The following ZMYM4 variants were observed in gnomAD, a reference collection of about 807,000 sequenced individuals.
The protein encoded by ZMYM4 is zinc finger MYM-type protein 4.
In ZMYM4, 31 loss-of-function variants were observed where a neutral mutation model predicts 183.2. The observed-to-expected ratio is 0.17, with a 90% CI of 0.13 to 0.23. ZMYM4 has a LOEUF of 0.23. Among genes scored for constraint, ZMYM4 ranks in the 10% least tolerant of loss-of-function variants. The pLI is 1.00. For missense variants in ZMYM4, 1,273 were observed against 1,840.3 expected (o/e 0.69, Z 5.64); for synonymous variants, 592 against 631.2 (o/e 0.94, Z 0.93).
chr1:35,416,114 T>C (rs1473752307), intron 28 of ZMYM4, among the ~76,000 whole-genome samples: 1 of 152,176 alleles, frequency 6.6e-6, no homozygotes, highest in Non-Finnish European at 1.5e-5. Flanking sequence ...CCAGAGCCCC[T>C]CTTTTTAGTT....
chr1:35,366,915 T>C (rs1038188862), intron 5 of ZMYM4, among the ~76,000 whole-genome samples: 1 of 151,372 alleles, frequency 6.6e-6, no homozygotes, highest in Non-Finnish European at 1.5e-5. Context: ...TCACAGCTAC[T>C]CGGGAGACTG....
At chr1:35,392,455 C>A in intron 16 of ZMYM4, 103 bp downstream of exon 16, 2 of 1,434,424 alleles carry the variant, frequency 1.4e-6, no homozygotes, top group Non-Finnish European at 1.9e-6. Context: ...TTGACACATT[C>A]AATATTAGGA....
At chr1:35,337,643 C>A (rs559915788) in intron 2 of ZMYM4, among the ~76,000 whole-genome samples, 10 of 152,156 alleles carry the variant, frequency 6.6e-5, no homozygotes, top group African/African-American at 2.4e-4. Flanking sequence ...GCCTTTGTAG[C>A]ATAAAAACAA....
In ZMYM4 at chr1:35,386,334, C is replaced by T. The variant is rs181259380; in HGVS notation, c.1836+145C>T. The T allele has an allele frequency of 1.4e-5, 8 of 580,292 alleles. No individual in the cohort carries two copies. In the African/African-American group the frequency reaches 1.5e-4, roughly 11 times the overall value. The allele number at this position is 580,292 out of a possible 1,614,324, so 35.9% of individuals were successfully genotyped here. On this transcript the variant is annotated intron_variant, in intron 11 of 29. Coordinates refer to ENST00000314607, the MANE Select transcript of ZMYM4 (RefSeq NM_005095.3). ...TTGGCTCACAGTTCCACAGGCTGTA[C>T]AGGTAGCATGGCTGGAGAGGCCTCA...
rs368093237 is a variant in ZMYM4, at chr1:35,359,384, G to A, written c.545G>A (p.Arg182Gln). The A allele has an allele frequency of 1.3e-5, 20 of 1,594,744 alleles. No homozygotes were observed. The African/African-American group carries it at 1.9e-4, about 15-fold the overall frequency. The change falls in exon 3 of 30, where the codon CGG (arginine) becomes CAG (glutamine). Residue 182 changes from arginine to glutamine, a missense_variant. Arg to Gln is a conservative substitution (Grantham distance 43). Around this residue, in one of 6 missense-constraint regions of ZMYM4, gnomAD observed 384 missense variants for 465.6 expected, o/e 0.82. Transcript: ENST00000314607. ...GACCTAACTTATGAACGTGAAAAAC[G>A]GTTGGATAAACCCCATAAAGATTTG... ...NRDLTYEREK[R>Q]LDKPHKDLDS...
At position 35,419,923 on chromosome 1, in the gene ZMYM4, C is replaced by T. The variant is rs984715035; in HGVS notation, c.*246C>T. The stretch of plus-strand genomic sequence containing the variant: ...ACATCTTCAGAATGACTAATTTCTC[C>T]GAGTGGTGCATAATCTTATTTTGTT... On this transcript the variant is annotated 3_prime_UTR_variant, in exon 30 of 30. Transcript: ENST00000314607. 1.2e-5 allele frequency: 6 copies of T among 481,446 alleles called. No individual in the cohort carries two copies. The highest frequency in any genetic ancestry group is 7.5e-5 in the East Asian group (2 of 26,512). The allele number at this position is 481,446 out of a possible 1,614,324, so 29.8% of individuals were successfully genotyped here.
At chr1:35,331,499 G>C (rs1408580735) in intron 2 of ZMYM4, among the ~76,000 whole-genome samples, 1 of 151,936 alleles carries the variant, frequency 6.6e-6, no homozygotes, top group Non-Finnish European at 1.5e-5. Flanking sequence ...TAAAATTGTG[G>C]TGTCAGTCAG....
chr1:35,412,101 G>C (rs550816079), intron 26 of ZMYM4, among the ~76,000 whole-genome samples: 7 of 150,888 alleles, frequency 4.6e-5, no homozygotes, highest in Admixed American at 4.0e-4. Flanking sequence ...CCGTGGTCTC[G>C]ATCTCCTGAC....
At chr1:35,414,113 T>C in intron 27 of ZMYM4, 30 bp downstream of exon 27, 1 of 1,279,710 alleles carries the variant, frequency 7.8e-7, no homozygotes, top group African/African-American at 1.5e-5. Flanking sequence ...ATTGTTTTCA[T>C]GATATGCTTT....
intron 1 of ZMYM4, among the ~76,000 whole-genome samples, chr1:35,313,543 C>G (rs917929021): frequency 5.9e-5 from 9 of 151,854 alleles, no homozygotes; most frequent in African/African-American, 1.9e-4. Context: ...CGGGCGTCAC[C>G]ACACCCGGCT....
intron 7 of ZMYM4, among the ~76,000 whole-genome samples, chr1:35,380,297 T>A (rs1644425466): frequency 6.6e-6 from 1 of 151,822 alleles, no homozygotes; most frequent in African/African-American, 2.4e-5. Context: ...AATTGGTTTT[T>A]ATTATTTATT....
chr1:35,305,135 C>T lies in ZMYM4; in HGVS notation c.40-20225C>T, dbSNP rs11264132. On this transcript the variant is annotated intron_variant, in intron 1 of 29. Transcript: ENST00000314607. ...CTGGGATTACAGGCGTGAGCGACTG[C>T]GCCCAGCCCACAAGTAAACTTTAAA... 4.0e-3 allele frequency among the ~76,000 whole-genome samples: 610 copies of T among 152,198 alleles called. 3 individuals carry two copies. Among genetic ancestry groups the T allele is most frequent in the African/African-American group, 0.014 (582 of 41,520 alleles).
intron 19 of ZMYM4, 102 bp downstream of exon 19, chr1:35,396,772 C>T: frequency 7.6e-7 from 1 of 1,319,610 alleles, no homozygotes; most frequent in Non-Finnish European, 1.0e-6. Flanking sequence ...GTAAAATATA[C>T]CTGCTTCTGA....
chr1:35,370,002 A>G (rs369077462), intron 5 of ZMYM4, 27 bp from the exon 6 acceptor site: 38 of 1,522,566 alleles, frequency 2.5e-5, no homozygotes, highest in Non-Finnish European at 3.3e-5. Flanking sequence ...TTCTCTATGT[A>G]TTTATTTATT....
intron 7 of ZMYM4, among the ~76,000 whole-genome samples, chr1:35,376,532 C>CTTT (rs72448948): frequency 6.0e-5 from 9 of 149,866 alleles, no homozygotes; most frequent in Non-Finnish European, 8.9e-5. Flanking sequence ...ATTTATACTT[C>CTTT]TTTTTTTTTT....
intron 7 of ZMYM4, among the ~76,000 whole-genome samples, chr1:35,379,928 A>G (rs548845165): frequency 2.0e-4 from 30 of 152,350 alleles, no homozygotes; most frequent in African/African-American, 6.7e-4. Context: ...AACAATTACA[A>G]TAGTAACATC....
intron 2 of ZMYM4, chr1:35,350,770 C>G: frequency 2.1e-6 from 1 of 471,692 alleles, no homozygotes; most frequent in Admixed American, 2.7e-5. Context: ...TAAGAGATAC[C>G]AAGTGAAATT....
intron 2 of ZMYM4, among the ~76,000 whole-genome samples, chr1:35,352,383 A>AGCAC (rs1553171651): frequency 1.9e-5 from 2 of 104,646 alleles, no homozygotes; most frequent in African/African-American, 1.1e-4. Flanking sequence ...TTTAAAAATT[A>AGCAC]GCGCACACAC....
At chr1:35,326,581 C>A (rs1413737111) in intron 2 of ZMYM4, among the ~76,000 whole-genome samples, 2 of 152,062 alleles carry the variant, frequency 1.3e-5, no homozygotes, top group African/African-American at 4.8e-5. Context: ...TTTCCAATCC[C>A]CTTATTCCAA....
Sources: allele counts gnomAD v4.1 joint callset (sites outside exome capture counted in the v4.1 genomes callset), GRCh38; gene constraint gnomAD v4.1.1; regional missense constraint gnomAD v4.1.1; transcripts MANE v1.5; gene names NCBI Gene and HGNC (gene_info 2026-07-23, HGNC 2026-07-21).